Variants in GNPAT observed in about 807,000 individuals in gnomAD.
The protein encoded by GNPAT is dihydroxyacetone phosphate acyltransferase.
GNPAT carries 30 observed loss-of-function variants against 78.4 expected under a neutral mutation model. The ratio of observed to expected loss-of-function variants is 0.38; its 90% CI spans 0.29 to 0.52. The LOEUF is 0.52. Among genes scored for constraint, GNPAT ranks in the 20% least tolerant of loss-of-function variants. The pLI is 0.84. For missense variants in GNPAT, 714 were observed against 812.2 expected (o/e 0.88, Z 1.47); for synonymous variants, 271 against 281.1 (o/e 0.96, Z 0.36).
Position 231,275,510 on chromosome 1 carries a change from A to G in GNPAT, c.1937+12A>G. ...GAGAAGAAGAAGATGTAAGTACTGT[A>G]CAAGATCCCATGAGTGCTCAAGGAA... is the stretch of plus-strand genomic sequence containing the variant. On this transcript the variant is annotated intron_variant, in intron 14 of 15. Transcript: ENST00000366647. 2 of 1,447,312 alleles carry G rather than the reference A, an allele frequency of 1.4e-6. No individual in the cohort carries two copies. The highest frequency in any genetic ancestry group is 1.7e-4 in the Middle Eastern group (1 of 5,760). 89.7% of individuals were successfully genotyped at this position (1,447,312 alleles called of 1,614,324 possible).
At chr1:231,268,211 G>A (rs1685446111) in intron 9 of GNPAT, among the ~76,000 whole-genome samples, 2 of 152,220 alleles carry the variant, frequency 1.3e-5, no homozygotes, top group Non-Finnish European at 2.9e-5. Flanking sequence ...GCTGAGGCAG[G>A]AGAATGGCAT....
chr1:231,265,490 T>C, intron 5 of GNPAT, 70 bp downstream of exon 5: 1 of 1,311,992 alleles, frequency 7.6e-7, no homozygotes. Flanking sequence ...ATTTAAACTC[T>C]TAACTTCTGA....
At chr1:231,244,834 G>A (rs142616414) in intron 1 of GNPAT, among the ~76,000 whole-genome samples, 2 of 152,264 alleles carry the variant, frequency 1.3e-5, no homozygotes, top group East Asian at 3.9e-4. Flanking sequence ...CTGAGGATGG[G>A]TAACCACTGG....
intron 1 of GNPAT, among the ~76,000 whole-genome samples, chr1:231,250,613 G>A (rs760411349): frequency 1.6e-4 from 25 of 152,120 alleles, no homozygotes; most frequent in Non-Finnish European, 3.1e-4. Flanking sequence ...GAGGCAAATG[G>A]AACAGGTTTG....
intron 1 of GNPAT, among the ~76,000 whole-genome samples, chr1:231,248,084 G>A (rs77105320): frequency 0.069 from 10,567 of 152,230 alleles, 507 homozygotes; most frequent in Middle Eastern, 0.13. Flanking sequence ...TTTGAACAAC[G>A]TGGGAGTTGG....
intron 15 of GNPAT, 101 bp downstream of exon 15, chr1:231,276,297 A>G (rs1336972459): frequency 2.9e-6 from 2 of 698,762 alleles, no homozygotes; most frequent in African/African-American, 3.6e-5. Flanking sequence ...ATGATCAGTA[A>G]GTAGTAGAGT....
At chr1:231,267,342 A>G (rs1571951711) in intron 8 of GNPAT, among the ~76,000 whole-genome samples, 1 of 152,326 alleles carries the variant, frequency 6.6e-6, no homozygotes, top group African/African-American at 2.4e-5. Flanking sequence ...CGTGCTATGC[A>G]TTCTGAAAAG....
intron 15 of GNPAT, among the ~76,000 whole-genome samples, 168 bp from the exon 16 acceptor site, chr1:231,277,331 T>TA (rs570613005): frequency 2.5e-4 from 38 of 152,368 alleles, no homozygotes; most frequent in Non-Finnish European, 4.4e-4. Context: ...TTGGAGCATC[T>TA]ACCGCTTCCC....
rs559293059 is a variant in GNPAT at position 231,277,380 on chromosome 1, C to A, written c.2000-119C>A. ...TGGCGTCCCCATGGGTACTGGCCAG[C>A]CTGTGAAGCTCTGCACAAGTCTCCA... On this transcript the variant is annotated intron_variant, in intron 15 of 15. Coordinates refer to ENST00000366647, the MANE Select transcript of GNPAT (RefSeq NM_014236.4). 4.0e-6 allele frequency: 3 copies of A among 752,994 alleles called. No individual in the cohort carries two copies. The Admixed American group carries it at 5.3e-5, about 13-fold the overall frequency. The allele number at this position is 752,994 out of a possible 1,614,324, so 46.6% of individuals were successfully genotyped here.
chr1:231,242,858 A>T (rs1216429185), intron 1 of GNPAT, among the ~76,000 whole-genome samples: 1 of 152,208 alleles, frequency 6.6e-6, no homozygotes, highest in South Asian at 2.1e-4. Flanking sequence ...AGCATTCTGT[A>T]GTTCTGATGC....
chr1:231,266,673 G>C (rs560990962), intron 8 of GNPAT, among the ~76,000 whole-genome samples: 1 of 152,328 alleles, frequency 6.6e-6, no homozygotes, highest in East Asian at 1.9e-4. Context: ...GGGAACTAAA[G>C]TGGGAATAAA....
Position 231,271,301 on chromosome 1 carries a change from T to C in GNPAT, c.1522+301T>C, listed in dbSNP as rs1685557944. Among the ~76,000 whole-genome samples, 4 of 152,220 alleles carry C rather than the reference T, an allele frequency of 2.6e-5. No individual in the cohort carries two copies. In the South Asian group the frequency reaches 8.3e-4, roughly 32 times the overall value. On this transcript the variant is annotated intron_variant, in intron 10 of 15. Coordinates refer to ENST00000366647, the MANE Select transcript of GNPAT (RefSeq NM_014236.4). ...TTGAGTACAGTTCTCCACTTCCTGG[T>C]CTGCGGCACTGTTTTGGCTGTGCCA... is the stretch of plus-strand genomic sequence containing the variant.
At chr1:231,243,887 T>C (rs1416536527) in intron 1 of GNPAT, among the ~76,000 whole-genome samples, 2 of 152,074 alleles carry the variant, frequency 1.3e-5, no homozygotes, top group South Asian at 2.1e-4. Flanking sequence ...TGTATACACA[T>C]ATATATATAA....
Position 231,265,772 on chromosome 1 carries a change from T to C in GNPAT, c.757T>C (p.Leu253=), listed in dbSNP as rs771696243. 1.3e-6 allele frequency: 2 copies of C among 1,594,484 alleles called. No individual in the cohort carries two copies. Among genetic ancestry groups the C allele is most frequent in the Non-Finnish European group, 1.7e-6 (2 of 1,162,042 alleles). ...GACAAGAAGCCGCTCTGCCAAGACA[T>C]TGACTCCTAAATTTGGTAGGTCACT... ...EGTRSRSAKT[L]TPKFGLLNIV... The change falls in exon 6 of 16, where the codon TTG becomes CTG. Residue 253 remains leucine (L), a synonymous_variant. Coordinates refer to ENST00000366647, the MANE Select transcript of GNPAT (RefSeq NM_014236.4).
chr1:231,260,863 C>T (rs1299445129), intron 3 of GNPAT, among the ~76,000 whole-genome samples, 180 bp downstream of exon 3: 1 of 152,142 alleles, frequency 6.6e-6, no homozygotes, highest in Non-Finnish European at 1.5e-5. Flanking sequence ...AGAGGATGTG[C>T]ATCTCTGAAG....
At chr1:231,263,963 A>T (rs1325963940) in intron 4 of GNPAT, among the ~76,000 whole-genome samples, 1 of 152,000 alleles carries the variant, frequency 6.6e-6, no homozygotes, top group African/African-American at 2.4e-5. Context: ...GAGTTGTAGG[A>T]ATTGTTTCTA....
intron 3 of GNPAT, among the ~76,000 whole-genome samples, chr1:231,261,510 C>T (rs1468843830): frequency 6.6e-6 from 1 of 152,088 alleles, no homozygotes; most frequent in Non-Finnish European, 1.5e-5. Context: ...GGTTTCATTA[C>T]TGGAGATGTT....
chr1:231,249,468 G>A (rs1481929756), intron 1 of GNPAT, among the ~76,000 whole-genome samples: 1 of 152,104 alleles, frequency 6.6e-6, no homozygotes, highest in Non-Finnish European at 1.5e-5. Context: ...CAGTTATTGA[G>A]TTCAGTTATT....
intron 4 of GNPAT, 70 bp from the exon 5 acceptor site, chr1:231,265,223 G>A (rs1024989935): frequency 9.3e-7 from 1 of 1,070,502 alleles, no homozygotes; most frequent in Non-Finnish European, 1.4e-6. Context: ...TGAAAAATAA[G>A]CATGTTTAAG....
Sources: gnomAD v4.1 joint callset for allele counts (sites outside exome capture counted in the v4.1 genomes callset) on GRCh38, gnomAD v4.1.1 for gene constraint, MANE v1.5 for transcripts, NCBI Gene and HGNC (gene_info 2026-07-23, HGNC 2026-07-21) for gene names.